The following ABCA12 variants were observed in gnomAD, a reference collection of about 807,000 sequenced individuals.
ABCA12 encodes glucosylceramide transporter ABCA12.
Under a neutral mutation model 293.5 loss-of-function variants are expected in ABCA12, and 156 were observed. The observed-to-expected ratio is 0.53, with a 90% CI of 0.47 to 0.61. The LOEUF (loss-of-function observed/expected upper bound fraction) is 0.61. ABCA12 is among the 20% of genes least tolerant of loss of function. The pLI, the probability that ABCA12 is intolerant of heterozygous loss-of-function variation, is 0.00. For synonymous variants in ABCA12, 1,063 were observed against 1,108.0 expected (o/e 0.96, Z 0.81); for missense variants, 2,797 against 3,090.2 (o/e 0.91, Z 2.25).
chr2:215,088,975 C>A (rs1702090059), intron 2 of ABCA12, among the ~76,000 whole-genome samples: 1 of 152,116 alleles, frequency 6.6e-6, no homozygotes, highest in South Asian at 2.1e-4. Context: ...CCACCCCTCC[C>A]TCCCTCCATT....
intron 50 of ABCA12, among the ~76,000 whole-genome samples, chr2:214,942,010 T>A (rs989358527): frequency 1.3e-5 from 2 of 152,216 alleles, no homozygotes; most frequent in Non-Finnish European, 2.9e-5. Context: ...TGACGCTAGC[T>A]GGTTATTTTG....
chr2:214,953,415 T>C (rs1698840219), intron 44 of ABCA12, among the ~76,000 whole-genome samples: 1 of 152,206 alleles, frequency 6.6e-6, no homozygotes, highest in East Asian at 1.9e-4. Flanking sequence ...GTATTTCTTC[T>C]CATTTATGAT....
At chr2:214,938,516 T>C (rs1263196096) in intron 50 of ABCA12, among the ~76,000 whole-genome samples, 1 of 152,186 alleles carries the variant, frequency 6.6e-6, no homozygotes, top group Admixed American at 6.5e-5. Flanking sequence ...TATTTCTGGT[T>C]CTATATCCTT....
At chr2:215,001,417 A>G in intron 21 of ABCA12, 141 bp downstream of exon 21, 1 of 994,554 alleles carries the variant, frequency 1.0e-6, no homozygotes, top group East Asian at 2.4e-5. Flanking sequence ...TGCCTACATG[A>G]AAGGTTCTCT....
intron 2 of ABCA12, among the ~76,000 whole-genome samples, chr2:215,069,330 GGA>G (rs1701692757): frequency 6.6e-6 from 1 of 151,522 alleles, no homozygotes; most frequent in Non-Finnish European, 1.5e-5. Flanking sequence ...ACCACAACAG[GGA>G]CTTAACACCA....
intron 9 of ABCA12, among the ~76,000 whole-genome samples, chr2:215,030,603 C>A (rs1414118564): frequency 2.4e-5 from 3 of 127,340 alleles, no homozygotes; most frequent in Admixed American, 7.9e-5. Flanking sequence ...GACTCCATCT[C>A]AAAAAAAAAA....
chr2:214,979,404 C>T (rs1317479314), intron 31 of ABCA12, among the ~76,000 whole-genome samples: 1 of 152,166 alleles, frequency 6.6e-6, no homozygotes, highest in Non-Finnish European at 1.5e-5. Context: ...ACCTCCAACT[C>T]TCAGCTCAAC....
chr2:215,097,890 C>T (rs1414956749), intron 2 of ABCA12, among the ~76,000 whole-genome samples: 1 of 152,112 alleles, frequency 6.6e-6, no homozygotes, highest in Non-Finnish European at 1.5e-5. Context: ...AAAATAAAGA[C>T]CTTAAATATC....
chr2:215,136,967 C>G (rs1488979922), intron 1 of ABCA12, among the ~76,000 whole-genome samples: 5 of 152,098 alleles, frequency 3.3e-5, no homozygotes, highest in African/African-American at 9.7e-5. Flanking sequence ...TCCACACACC[C>G]AGGATCCTTT....
At chr2:215,012,731 T>C (rs1315748710) in intron 15 of ABCA12, among the ~76,000 whole-genome samples, 1 of 152,168 alleles carries the variant, frequency 6.6e-6, no homozygotes, top group Non-Finnish European at 1.5e-5. Flanking sequence ...CACAATTCTG[T>C]ATATTTACTA....
chr2:215,003,023 A>C (rs1700175489), intron 20 of ABCA12, among the ~76,000 whole-genome samples: 1 of 152,202 alleles, frequency 6.6e-6, no homozygotes, highest in Non-Finnish European at 1.5e-5. Flanking sequence ...GAGTAAATCC[A>C]CTAGTACCTT....
Position 215,005,444 on chromosome 2 carries a change from G to A in ABCA12, c.2593-1145C>T, listed in dbSNP as rs182395802. On this transcript the variant is annotated intron_variant, in intron 19 of 52. Transcript: ENST00000272895. ...AATGACTAAGAAAAACATATTAGTC[G>A]AGCACATATATAATAGAATTAGTTT... Among the ~76,000 whole-genome samples the A allele has an allele frequency of 8.5e-4, 129 of 152,190 alleles. No individual in the cohort carries two copies. In the Middle Eastern group the frequency reaches 0.01, roughly 12 times the overall value.
chr2:214,935,313 A>G (rs1559098761), intron 51 of ABCA12, among the ~76,000 whole-genome samples: 1 of 152,204 alleles, frequency 6.6e-6, no homozygotes, highest in Non-Finnish European at 1.5e-5. Context: ...TGCCTTGTAT[A>G]GCCCTGGTCC....
intron 1 of ABCA12, among the ~76,000 whole-genome samples, chr2:215,133,220 A>G (rs1205090362): frequency 1.7e-5 from 2 of 116,564 alleles, no homozygotes; most frequent in Admixed American, 1.2e-4. Context: ...TGGTGACTAC[A>G]TGAGTTGGTG....
At chr2:214,991,888 T>C (rs1222352546) in intron 23 of ABCA12, among the ~76,000 whole-genome samples, 4 of 151,938 alleles carry the variant, frequency 2.6e-5, no homozygotes, top group Non-Finnish European at 5.9e-5. Flanking sequence ...TGTCGGGGGA[T>C]GGAGGGAAGG....
At chr2:215,124,766 C>T (rs1404860095) in intron 1 of ABCA12, among the ~76,000 whole-genome samples, 3 of 152,186 alleles carry the variant, frequency 2.0e-5, no homozygotes, top group Admixed American at 2.0e-4. Context: ...TCTGTTTATT[C>T]TGCTGACTGT....
intron 2 of ABCA12, among the ~76,000 whole-genome samples, chr2:215,078,666 C>T (rs1701879905): frequency 6.6e-6 from 1 of 152,062 alleles, no homozygotes; most frequent in South Asian, 2.1e-4. Context: ...CTTCTATGTC[C>T]ATAATGTGGA....
intron 2 of ABCA12, among the ~76,000 whole-genome samples, chr2:215,105,629 TCA>T (rs1177952731): frequency 6.6e-6 from 1 of 150,560 alleles, no homozygotes; most frequent in Admixed American, 6.6e-5. Flanking sequence ...ACACGCACTT[TCA>T]CACAGTCACA....
intron 32 of ABCA12, 121 bp from the exon 33 acceptor site, chr2:214,978,587 C>G: frequency 7.8e-7 from 1 of 1,276,980 alleles, no homozygotes; most frequent in South Asian, 1.3e-5. Context: ...TCCCGTCTGA[C>G]TTCAAGTGAA....
Sources: allele counts gnomAD v4.1 joint callset (sites outside exome capture counted in the v4.1 genomes callset), GRCh38; gene constraint gnomAD v4.1.1; transcripts MANE v1.5; gene names NCBI Gene and HGNC (gene_info 2026-07-23, HGNC 2026-07-21).